LPP: variants seen among roughly 807,000 people sequenced by gnomAD.
The protein encoded by LPP is LIM domain containing preferred translocation partner in lipoma, also known as lipoma-preferred partner.
Under a neutral mutation model 60.4 loss-of-function variants are expected in LPP, and 38 were observed. The observed-to-expected ratio is 0.63, with a 90% CI of 0.49 to 0.83. The LOEUF (loss-of-function observed/expected upper bound fraction) is 0.83, where lower values mean the gene tolerates loss of function less well. Ranked by LOEUF, LPP falls within the 40% of genes least tolerant of loss-of-function variation. The pLI, the probability that LPP is intolerant of heterozygous loss-of-function variation, is 0.00. For missense variants in LPP, 902 were observed against 783.6 expected (o/e 1.15, Z -1.80); for synonymous variants, 328 against 290.8 (o/e 1.13, Z -1.30).
chr3:188,312,024 A>G (rs1753624753), intron 2 of LPP, among the ~76,000 whole-genome samples: 1 of 152,190 alleles, frequency 6.6e-6, no homozygotes. Context: ...AAAATTCAAA[A>G]CTATGCAATG....
intron 1 of LPP, among the ~76,000 whole-genome samples, chr3:188,200,747 T>G (rs1285124692): frequency 6.6e-6 from 1 of 152,162 alleles, no homozygotes; most frequent in Non-Finnish European, 1.5e-5. Flanking sequence ...TAAGTCGGCT[T>G]CTGTGATGCA....
intron 2 of LPP, among the ~76,000 whole-genome samples, chr3:188,281,046 T>G (rs892374474): frequency 1.3e-5 from 2 of 151,912 alleles, no homozygotes; most frequent in Non-Finnish European, 2.9e-5. Flanking sequence ...GCGATTCTCC[T>G]GCCTCAGCCT....
At chr3:188,571,909 C>T (rs10937355) in intron 6 of LPP, among the ~76,000 whole-genome samples, 37,536 of 152,004 alleles carry the variant, frequency 0.25, 5,330 homozygotes, top group East Asian at 0.7. Context: ...ACATGCTTAA[C>T]ATTTCTGACT....
At chr3:188,391,445 G>T (rs1406912116) in intron 3 of LPP, among the ~76,000 whole-genome samples, 2 of 152,214 alleles carry the variant, frequency 1.3e-5, no homozygotes, top group African/African-American at 2.4e-5. Context: ...TATCATTATT[G>T]CCCATAAGGA....
chr3:188,372,755 G>A (rs548944209), intron 3 of LPP, among the ~76,000 whole-genome samples: 10 of 150,394 alleles, frequency 6.6e-5, no homozygotes, highest in Non-Finnish European at 8.9e-5. Context: ...TGTGTACAAC[G>A]TGCAGGTTTG....
intron 3 of LPP, among the ~76,000 whole-genome samples, chr3:188,362,445 C>T (rs917773836): frequency 6.6e-6 from 1 of 152,196 alleles, no homozygotes; most frequent in Non-Finnish European, 1.5e-5. Flanking sequence ...GCCTCTCTCT[C>T]CTACACCGTT....
chr3:188,859,809 G>A (rs886107678), intron 9 of LPP, among the ~76,000 whole-genome samples: 1 of 152,078 alleles, frequency 6.6e-6, no homozygotes, highest in African/African-American at 2.4e-5. Context: ...AGGGGTAGGG[G>A]GGTGTGTCAT....
At chr3:188,398,285 A>T (rs1489623663) in intron 3 of LPP, among the ~76,000 whole-genome samples, 3 of 152,246 alleles carry the variant, frequency 2.0e-5, no homozygotes, top group Admixed American at 2.0e-4. Context: ...GTGTACAGAT[A>T]GGAAGGGTCA....
At position 188,800,406 on chromosome 3, in the gene LPP, C is replaced by T. The variant is rs139345905; in HGVS notation, c.1410+40124C>T. ...GACTACAGGTGTCTGCCACCACGCC[C>T]GGCTAATTTTTTGTATTTTTAGTAG... is the stretch of plus-strand genomic sequence containing the variant. On this transcript the variant is annotated intron_variant, in intron 9 of 11. Coordinates refer to ENST00000617246, the MANE Select transcript of LPP (RefSeq NM_001375462.1). Among the ~76,000 whole-genome samples the T allele has an allele frequency of 8.7e-3, 1,316 of 151,796 alleles. 18 individuals carry two copies. Among genetic ancestry groups the T allele is most frequent in the African/African-American group, 0.03 (1,251 of 41,390 alleles).
intron 5 of LPP, among the ~76,000 whole-genome samples, chr3:188,511,294 TC>T (rs1815559517): frequency 9.7e-6 from 1 of 102,870 alleles, no homozygotes; most frequent in Non-Finnish European, 2.0e-5. Context: ...CTCCCTTCCT[TC>T]CCTCCCTGCC....
intron 3 of LPP, among the ~76,000 whole-genome samples, chr3:188,402,057 A>G (rs1782370692): frequency 6.6e-6 from 1 of 152,192 alleles, no homozygotes. Flanking sequence ...ATAGAAAACT[A>G]CTACTATTAT....
At chr3:188,623,511 G>GC (rs1360168057) in intron 7 of LPP, among the ~76,000 whole-genome samples, 1 of 152,046 alleles carries the variant, frequency 6.6e-6, no homozygotes, top group Non-Finnish European at 1.5e-5. Context: ...ACCCGCCTTG[G>GC]CCCCCCAAAG....
chr3:188,866,041 C>A (rs1340830365), intron 9 of LPP, among the ~76,000 whole-genome samples, 159 bp from the exon 10 acceptor site: 3 of 152,128 alleles, frequency 2.0e-5, no homozygotes, highest in Non-Finnish European at 4.4e-5. Context: ...TTTGTAAGGA[C>A]TGTATTAAAG....
intron 9 of LPP, among the ~76,000 whole-genome samples, chr3:188,789,049 T>C (rs1016258595): frequency 2.0e-5 from 3 of 152,134 alleles, no homozygotes; most frequent in African/African-American, 7.2e-5. Flanking sequence ...CTCAGTTATT[T>C]TTACTGAATG....
At chr3:188,715,101 A>G (rs1182282227) in intron 8 of LPP, among the ~76,000 whole-genome samples, 3 of 152,036 alleles carry the variant, frequency 2.0e-5, no homozygotes, top group Admixed American at 2.0e-4. Flanking sequence ...ACTTAAAAAG[A>G]ACAAGGGGTG....
intron 4 of LPP, among the ~76,000 whole-genome samples, chr3:188,432,539 C>T (rs1298277136): frequency 6.6e-6 from 1 of 151,578 alleles, no homozygotes; most frequent in African/African-American, 2.4e-5. Context: ...TATAGGTGAT[C>T]ATGTGTGAAT....
At chr3:188,291,967 G>A (rs1354250012) in intron 2 of LPP, among the ~76,000 whole-genome samples, 1 of 152,138 alleles carries the variant, frequency 6.6e-6, no homozygotes, top group African/African-American at 2.4e-5. Context: ...ATATAGAGTT[G>A]TAATATATCT....
At chr3:188,636,113 G>A (rs1043938735) in intron 7 of LPP, among the ~76,000 whole-genome samples, 2 of 152,242 alleles carry the variant, frequency 1.3e-5, no homozygotes, top group African/African-American at 2.4e-5. Flanking sequence ...GACGCAGAAG[G>A]CGGGTGATTT....
chr3:188,636,523 GC>G (rs1323603929), intron 7 of LPP, among the ~76,000 whole-genome samples: 4 of 152,186 alleles, frequency 2.6e-5, no homozygotes, highest in African/African-American at 4.8e-5. Flanking sequence ...AAACAAAGCA[GC>G]CAGGAAGCTC....
Sources: allele counts gnomAD v4.1 joint callset (sites outside exome capture counted in the v4.1 genomes callset), GRCh38; gene constraint gnomAD v4.1.1; transcripts MANE v1.5; gene names NCBI Gene and HGNC (gene_info 2026-07-23, HGNC 2026-07-21).